ANO6: variants seen among roughly 807,000 people sequenced by gnomAD.
ANO6 encodes anoctamin-6.
Under a neutral mutation model 117.5 loss-of-function variants are expected in ANO6, and 106 were observed. That is an observed-to-expected ratio of 0.90 (90% CI 0.77 to 1.06). The LOEUF (loss-of-function observed/expected upper bound fraction) is 1.06. Among genes scored for constraint, ANO6 ranks in the 50% least tolerant of loss-of-function variants. The pLI is 0.00. For missense variants in ANO6, 955 were observed against 1,121.1 expected (o/e 0.85, Z 2.12); for synonymous variants, 367 against 385.1 (o/e 0.95, Z 0.55).
chr12:45,245,133 A>G (rs79694367), intron 1 of ANO6, among the ~76,000 whole-genome samples: 2,110 of 152,314 alleles, frequency 0.014, 21 homozygotes, highest in Non-Finnish European at 0.023. Flanking sequence ...GGCTCTGATG[A>G]AATTATGTAT....
chr12:45,391,794 G>A (rs1236971740), intron 12 of ANO6, among the ~76,000 whole-genome samples: 1 of 152,174 alleles, frequency 6.6e-6, no homozygotes, highest in Admixed American at 6.5e-5. Context: ...AGGAGGTGGA[G>A]GTTGCAGGGA....
rs539004216 is a variant in ANO6, at chr12:45,417,548, T to C, written c.2217+644T>C. ...GCTGTGAGGGGACAGAACTCAGTTG[T>C]TTACAGCCTGTATTCATTGATTATG... On this transcript the variant is annotated intron_variant, in intron 17 of 19. Coordinates refer to ENST00000320560, the MANE Select transcript of ANO6 (RefSeq NM_001025356.3). Among the ~76,000 whole-genome samples, 4 of 152,248 alleles carry C rather than the reference T, an allele frequency of 2.6e-5. No individual in the cohort carries two copies. The South Asian group carries it at 6.2e-4, about 24-fold the overall frequency.
chr12:45,263,863 T>C (rs1938128786), intron 1 of ANO6, among the ~76,000 whole-genome samples: 1 of 152,202 alleles, frequency 6.6e-6, no homozygotes, highest in Admixed American at 6.5e-5. Flanking sequence ...CTTGGCTCCC[T>C]TCTGTGAAAT....
intron 1 of ANO6, among the ~76,000 whole-genome samples, chr12:45,289,587 T>C (rs1441661998): frequency 6.6e-6 from 1 of 152,240 alleles, no homozygotes; most frequent in Non-Finnish European, 1.5e-5. Flanking sequence ...AATGACTATT[T>C]TCTGTTCATT....
chr12:45,430,727 T>C lies in ANO6; in HGVS notation c.*1416T>C, dbSNP rs1943611957. On this transcript the variant is annotated 3_prime_UTR_variant, in exon 20 of 20. Transcript: ENST00000320560. ...CACTCCTGTCTTGCCATGCACGTCTTGCCCCCTCACTTTTGCTCAGCCTAG... is the reference window on the plus strand; with the variant it reads ...CACTCCTGTCTTGCCATGCACGTCTCGCCCCCTCACTTTTGCTCAGCCTAG... 1.0e-6 allele frequency: 1 copy of C among 985,342 alleles called. No individual in the cohort carries two copies. Among genetic ancestry groups the C allele is most frequent in the Non-Finnish European group, 1.2e-6 (1 of 829,960 alleles). The allele number at this position is 985,342 out of a possible 1,614,324, so 61.0% of individuals were successfully genotyped here. A position where few individuals can be genotyped will look rare whatever the true frequency, so the allele number is the denominator to read the frequency against.
At chr12:45,401,312 C>T (rs1942780032) in intron 12 of ANO6, among the ~76,000 whole-genome samples, 1 of 152,190 alleles carries the variant, frequency 6.6e-6, no homozygotes, top group Admixed American at 6.5e-5. Flanking sequence ...AAATGTAGCT[C>T]CCTCATGGAG....
intron 9 of ANO6, among the ~76,000 whole-genome samples, chr12:45,370,585 G>A (rs1019336093): frequency 6.6e-6 from 1 of 152,186 alleles, no homozygotes; most frequent in African/African-American, 2.4e-5. Flanking sequence ...AATGGAAGTG[G>A]CATTGGACAG....
At chr12:45,323,634 A>G (rs947403140) in intron 2 of ANO6, among the ~76,000 whole-genome samples, 4 of 152,160 alleles carry the variant, frequency 2.6e-5, no homozygotes, top group African/African-American at 7.2e-5. Flanking sequence ...CTGCCTTTCT[A>G]TGATTTTCCC....
In ANO6 at chr12:45,357,514, G is replaced by A. The variant is rs1941444332; in HGVS notation, c.998+90G>A. Reference sequence around the variant, plus strand: ...GTCTTAAACTGTTTTGGTAAGACAAGACTGACTGCAGAACATTCATTGCTT... The same window carrying A: ...GTCTTAAACTGTTTTGGTAAGACAAAACTGACTGCAGAACATTCATTGCTT... On this transcript the variant is annotated intron_variant, in intron 8 of 19. Transcript: ENST00000320560. The A allele has an allele frequency of 1.0e-5, 15 of 1,463,670 alleles. No homozygotes were observed. The South Asian group carries it at 1.7e-4, about 17-fold the overall frequency. The allele number at this position is 1,463,670 out of a possible 1,614,324, so 90.7% of individuals were successfully genotyped here. A position where few individuals can be genotyped will look rare whatever the true frequency, so the allele number is the denominator to read the frequency against.
chr12:45,422,767 T>C (rs1226593946), intron 18 of ANO6, among the ~76,000 whole-genome samples, 190 bp from the exon 19 acceptor site: 1 of 151,710 alleles, frequency 6.6e-6, no homozygotes, highest in Non-Finnish European at 1.5e-5. Flanking sequence ...AGAGACGGGG[T>C]TTTACCATAG....
chr12:45,365,205 C>CA (rs1555173462), intron 8 of ANO6, among the ~76,000 whole-genome samples: 1 of 152,048 alleles, frequency 6.6e-6, no homozygotes, highest in Non-Finnish European at 1.5e-5. Flanking sequence ...TCTTCCTTAG[C>CA]TTTTTTTTCT....
intron 9 of ANO6, among the ~76,000 whole-genome samples, chr12:45,371,139 T>C (rs1941819547): frequency 6.6e-6 from 1 of 152,182 alleles, no homozygotes; most frequent in African/African-American, 2.4e-5. Flanking sequence ...ACCCGAATAC[T>C]GCGCTTTTCT....
At chr12:45,326,349 G>GT (rs907917241) in intron 2 of ANO6, among the ~76,000 whole-genome samples, 49 of 152,210 alleles carry the variant, frequency 3.2e-4, no homozygotes, top group African/African-American at 1.2e-3. Context: ...ACACAAGACT[G>GT]TTTTTTAAGA....
chr12:45,302,042 C>T lies in ANO6; in HGVS notation c.99C>T (p.Val33=). ...TGGAAAACCTTGGACAGACAATTGT[C>T]CCCGATTTGGGATCACTGGAAAGTC... is the stretch of plus-strand genomic sequence containing the variant. The part of the protein sequence containing the change: ...IVLENLGQTI[V]PDLGSLESQH... Residue 33 remains valine (V), a synonymous_variant, in exon 2 of 20, where the codon GTC becomes GTT. Transcript: ENST00000320560. 5 of 1,613,928 alleles carry T rather than the reference C, an allele frequency of 3.1e-6. No homozygotes were observed. Among genetic ancestry groups the T allele is most frequent in the Non-Finnish European group, 4.2e-6 (5 of 1,179,886 alleles).
chr12:45,346,665 T>C (rs557832080), intron 3 of ANO6, among the ~76,000 whole-genome samples: 2 of 152,296 alleles, frequency 1.3e-5, no homozygotes, highest in South Asian at 2.1e-4. Context: ...TGAATAGGAC[T>C]CAGAAAGCTC....
intron 19 of ANO6, among the ~76,000 whole-genome samples, chr12:45,423,277 A>G (rs912415726): frequency 5.9e-5 from 9 of 152,228 alleles, no homozygotes; most frequent in African/African-American, 1.2e-4. Flanking sequence ...GTTATGCGCA[A>G]AGGGGATTCA....
chr12:45,382,411 T>A (rs1231671856), intron 10 of ANO6, among the ~76,000 whole-genome samples: 2 of 152,188 alleles, frequency 1.3e-5, no homozygotes, highest in African/African-American at 4.8e-5. Context: ...CACAACATAC[T>A]TTAAAAAATG....
chr12:45,294,208 A>C (rs948476814), intron 1 of ANO6, among the ~76,000 whole-genome samples: 1 of 152,212 alleles, frequency 6.6e-6, no homozygotes, highest in East Asian at 1.9e-4. Flanking sequence ...GGATTGGGGA[A>C]TTGAACTGAT....
intron 1 of ANO6, among the ~76,000 whole-genome samples, chr12:45,252,964 G>A (rs1937677886): frequency 6.6e-6 from 1 of 152,160 alleles, no homozygotes; most frequent in African/African-American, 2.4e-5. Flanking sequence ...TTACCTGGAT[G>A]TGGATATCTT....
Sources: gnomAD v4.1 joint callset for allele counts (sites outside exome capture counted in the v4.1 genomes callset) on GRCh38, gnomAD v4.1.1 for gene constraint, MANE v1.5 for transcripts, NCBI Gene and HGNC (gene_info 2026-07-23, HGNC 2026-07-21) for gene names.